The following DPP6 variants were observed in gnomAD, a reference collection of about 807,000 sequenced individuals.
DPP6 encodes dipeptidyl peptidase like 6.
DPP6 carries 69 observed loss-of-function variants against 122.6 expected under a neutral mutation model. The observed-to-expected ratio is 0.56, with a 90% CI of 0.46 to 0.69. The LOEUF (loss-of-function observed/expected upper bound fraction) is 0.69. Ranked by LOEUF, DPP6 falls within the 30% of genes least tolerant of loss-of-function variation. The pLI is 0.00. For missense variants in DPP6, 928 were observed against 1,116.9 expected (o/e 0.83, Z 2.41); for synonymous variants, 418 against 433.1 (o/e 0.97, Z 0.43).
the DPP6 span, among the ~76,000 whole-genome samples, chr7:153,870,634 CCTT>C: frequency 6.6e-6 from 1 of 152,194 alleles, no homozygotes; most frequent in Admixed American, 6.5e-5. Context: ...TCTTCTGAAG[CCTT>C]CTTCTCTCAA....
chr7:153,852,029 C>T, the DPP6 span, among the ~76,000 whole-genome samples: 3 of 152,198 alleles, frequency 2.0e-5, no homozygotes, highest in Non-Finnish European at 4.4e-5. Flanking sequence ...TATCCTTACA[C>T]TCTGCTTTGT....
At position 154,681,936 on chromosome 7, in the gene DPP6, T is replaced by C. The variant is rs529424441; in HGVS notation, c.762+12495T>C. Reference sequence around the variant, plus strand: ...GTAAGCTGTTGAAGAACAAAGAATGTTTTTCATTAGACTTTTGTCTTCCAC... The same window carrying C: ...GTAAGCTGTTGAAGAACAAAGAATGCTTTTCATTAGACTTTTGTCTTCCAC... On this transcript the variant is annotated intron_variant, in intron 7 of 25. Coordinates refer to ENST00000377770, the MANE Select transcript of DPP6 (RefSeq NM_130797.4). Among the ~76,000 whole-genome samples, 12 of 152,338 alleles carry C rather than the reference T, an allele frequency of 7.9e-5. No homozygotes were observed. In the East Asian group the frequency reaches 2.3e-3, roughly 29 times the overall value.
At chr7:154,068,389 GA>G (rs200337607) in intron 1 of DPP6, among the ~76,000 whole-genome samples, 5,484 of 148,000 alleles carry the variant, frequency 0.037, 334 homozygotes, top group African/African-American at 0.13. Flanking sequence ...TGGCCTCAGG[GA>G]AGGCCTGGAA....
chr7:153,976,517 G>A (rs990467107), intron 1 of DPP6, among the ~76,000 whole-genome samples: 5 of 152,292 alleles, frequency 3.3e-5, no homozygotes, highest in Admixed American at 6.5e-5. Context: ...GCACTCGTAC[G>A]TTTAAACACT....
chr7:154,131,688 C>T (rs550381831), intron 1 of DPP6, among the ~76,000 whole-genome samples: 5 of 152,342 alleles, frequency 3.3e-5, no homozygotes, highest in South Asian at 4.1e-4. Flanking sequence ...GAACTAACCT[C>T]GTCTGTAGGG....
At chr7:154,086,066 TGAA>T (rs1321951993) in intron 1 of DPP6, among the ~76,000 whole-genome samples, 1 of 152,032 alleles carries the variant, frequency 6.6e-6, no homozygotes, top group Non-Finnish European at 1.5e-5. Context: ...AGACCTTTGA[TGAA>T]GGTGTTAAGA....
rs950502930 is a variant in DPP6 at position 154,104,471 on chromosome 7, G to A, written c.243+51408G>A. Reference sequence around the variant, plus strand: ...ATGGTGGAACGTGCTTTAGTAAGATGAGAGAAGGTGTTTTCATGATTAACA... The same window carrying A: ...ATGGTGGAACGTGCTTTAGTAAGATAAGAGAAGGTGTTTTCATGATTAACA... On this transcript the variant is annotated intron_variant, in intron 1 of 25. Coordinates refer to ENST00000377770, the MANE Select transcript of DPP6 (RefSeq NM_130797.4). 2.8e-4 allele frequency among the ~76,000 whole-genome samples: 43 copies of A among 152,234 alleles called. 1 individual carries two copies. The highest frequency in any genetic ancestry group is 2.4e-3 in the Admixed American group (37 of 15,290).
chr7:154,777,365 T>C (rs1796643880), intron 10 of DPP6, among the ~76,000 whole-genome samples: 1 of 152,136 alleles, frequency 6.6e-6, no homozygotes, highest in Non-Finnish European at 1.5e-5. Context: ...AACGGTTCTA[T>C]TAAAGAGAAC....
chr7:154,220,529 T>C (rs1800245113), intron 1 of DPP6, among the ~76,000 whole-genome samples: 1 of 152,196 alleles, frequency 6.6e-6, no homozygotes, highest in Non-Finnish European at 1.5e-5. Context: ...GACATGGATG[T>C]ACCTTTATAA....
chr7:154,397,661 T>TA (rs1485482143), intron 1 of DPP6, among the ~76,000 whole-genome samples: 2 of 152,250 alleles, frequency 1.3e-5, no homozygotes, highest in Non-Finnish European at 2.9e-5. Flanking sequence ...TTCATGCTGT[T>TA]AATTCACTTC....
chr7:154,347,449 G>A (rs945123523), intron 1 of DPP6, among the ~76,000 whole-genome samples: 1 of 152,130 alleles, frequency 6.6e-6, no homozygotes, highest in Non-Finnish European at 1.5e-5. Context: ...GGCCATTAAA[G>A]CATAATCTTT....
chr7:153,889,920 A>G (rs529645728), intron 1 of DPP6, among the ~76,000 whole-genome samples: 1 of 152,316 alleles, frequency 6.6e-6, no homozygotes, highest in South Asian at 2.1e-4. Flanking sequence ...TTGAATTTTC[A>G]TGTTCCAAGG....
chr7:153,751,968 G>C, the DPP6 span, among the ~76,000 whole-genome samples: 1 of 152,152 alleles, frequency 6.6e-6, no homozygotes, highest in East Asian at 1.9e-4. Flanking sequence ...GGAAGCAGCA[G>C]ACATAGCTGT....
chr7:154,679,045 G>A (rs1188819689), intron 7 of DPP6, among the ~76,000 whole-genome samples: 1 of 152,224 alleles, frequency 6.6e-6, no homozygotes, highest in Non-Finnish European at 1.5e-5. Context: ...AGTCTGGTGT[G>A]TGTCAGAAGG....
At chr7:154,022,870 T>G (rs1374630862) in intron 1 of DPP6, among the ~76,000 whole-genome samples, 3 of 152,226 alleles carry the variant, frequency 2.0e-5, no homozygotes, top group Non-Finnish European at 4.4e-5. Flanking sequence ...CTTGTCTTCC[T>G]CAGACATCAA....
chr7:154,331,759 A>T (rs895450519), intron 1 of DPP6, among the ~76,000 whole-genome samples: 1 of 152,144 alleles, frequency 6.6e-6, no homozygotes, highest in Non-Finnish European at 1.5e-5. Flanking sequence ...AAATATAGAG[A>T]TCTCGTGAAA....
chr7:154,052,913 G>T lies in DPP6; in HGVS notation c.93G>T (p.Gln31His). 23 of 1,504,684 alleles carry T rather than the reference G, an allele frequency of 1.5e-5. No individual in the cohort carries two copies. Among genetic ancestry groups the T allele is most frequent in the Non-Finnish European group, 2.0e-5 (23 of 1,126,376 alleles). The allele number at this position is 1,504,684 out of a possible 1,614,324, so 93.2% of individuals were successfully genotyped here. A position where few individuals can be genotyped will look rare whatever the true frequency, so the allele number is the denominator to read the frequency against. The change falls in exon 1 of 26, where the codon CAG (glutamine) becomes CAT (histidine). Residue 31 changes from glutamine to histidine, a missense_variant. By Grantham distance (24) the Gln-to-His change is conservative. Coordinates refer to ENST00000377770, the MANE Select transcript of DPP6 (RefSeq NM_130797.4). This position sits in a 1 kb window ranked among gnomAD's most constrained non-coding sequence, Gnocchi z 4.8. Reference sequence around the variant, plus strand: ...AGGCGAGTCACCTCCTGGGCGGCCAGGGGCCCGAGGAGGACGGCGGCGCAG... The same window carrying T: ...AGGCGAGTCACCTCCTGGGCGGCCATGGGCCCGAGGAGGACGGCGGCGCAG... ...PPEASHLLGG[Q>H]GPEEDGGAGA...
intron 1 of DPP6, among the ~76,000 whole-genome samples, chr7:154,372,390 C>T (rs1012352319): frequency 7.9e-5 from 12 of 152,228 alleles, no homozygotes; most frequent in Middle Eastern, 3.4e-3. Context: ...CAGCACTCAC[C>T]GCTCCCTCCC....
the DPP6 span, among the ~76,000 whole-genome samples, chr7:153,852,780 A>G: frequency 6.6e-6 from 1 of 152,218 alleles, no homozygotes; most frequent in Non-Finnish European, 1.5e-5. Context: ...TTGTGAAATG[A>G]ACTCTGGTAT....
Sources: gnomAD v4.1 joint callset for allele counts (sites outside exome capture counted in the v4.1 genomes callset) on GRCh38, gnomAD v4.1.1 for gene constraint, Gnocchi (gnomAD v3.1) non-coding constraint, MANE v1.5 for transcripts, NCBI Gene and HGNC (gene_info 2026-07-23, HGNC 2026-07-21) for gene names.